AKT3: variants seen among roughly 807,000 people sequenced by gnomAD.
The protein encoded by AKT3 is RAC-gamma serine/threonine-protein kinase.
Under a neutral mutation model 65.3 loss-of-function variants are expected in AKT3, and 15 were observed. The observed-to-expected ratio is 0.23, with a 90% CI of 0.15 to 0.35. AKT3 has a LOEUF of 0.35. Among genes scored for constraint, AKT3 ranks in the 10% least tolerant of loss-of-function variants. The pLI is 1.00. For missense variants in AKT3, 243 were observed against 576.5 expected, an observed-to-expected ratio of 0.42 and a Z score of 5.92; for synonymous variants, 206 against 183.8, an observed-to-expected ratio of 1.12 and a Z score of -0.98.
At chr1:243,653,378 C>T (rs1681522281) in intron 4 of AKT3, among the ~76,000 whole-genome samples, 1 of 152,110 alleles carries the variant, frequency 6.6e-6, no homozygotes, top group South Asian at 2.1e-4. Context: ...ACAAAAAGTC[C>T]AGGACCAGAT....
At chr1:243,824,008 A>C (rs932842208) in intron 2 of AKT3, among the ~76,000 whole-genome samples, 3 of 152,224 alleles carry the variant, frequency 2.0e-5, no homozygotes, top group African/African-American at 7.2e-5. Flanking sequence ...ACTTCAAACT[A>C]TACTACATGG....
chr1:243,535,155 T>TATTTTAAAATTATATTTAAA (rs1671812640), intron 12 of AKT3, among the ~76,000 whole-genome samples: 1 of 131,400 alleles, frequency 7.6e-6, no homozygotes, highest in African/African-American at 3.4e-5. Flanking sequence ...TTTTAAAATA[T>TATTTTAAAATTATATTTAAA]ATTTTAAAAT....
chr1:243,725,053 A>G (rs1385523297), intron 2 of AKT3, among the ~76,000 whole-genome samples: 1 of 151,804 alleles, frequency 6.6e-6, no homozygotes, highest in Non-Finnish European at 1.5e-5. Flanking sequence ...AAAAAAAAAA[A>G]AATTAAATTA....
intron 8 of AKT3, among the ~76,000 whole-genome samples, chr1:243,576,893 G>A (rs1674980807): frequency 6.6e-6 from 1 of 151,858 alleles, no homozygotes; most frequent in Admixed American, 6.6e-5. Flanking sequence ...ATTCACATGG[G>A]ACCAAAAAAG....
intron 8 of AKT3, among the ~76,000 whole-genome samples, chr1:243,581,314 G>C (rs527434247): frequency 6.6e-6 from 1 of 152,336 alleles, no homozygotes; most frequent in Non-Finnish European, 1.5e-5. Context: ...GCCATAGCCT[G>C]TGGCAACAAA....
At chr1:243,806,219 G>C (rs1006707536) in intron 2 of AKT3, among the ~76,000 whole-genome samples, 2 of 152,062 alleles carry the variant, frequency 1.3e-5, no homozygotes, top group African/African-American at 4.8e-5. Flanking sequence ...CTTTACTATA[G>C]CACTTTTTAA....
chr1:243,648,287 GAAAAT>G (rs139884977), intron 4 of AKT3, among the ~76,000 whole-genome samples: 3 of 150,704 alleles, frequency 2.0e-5, no homozygotes, highest in East Asian at 1.9e-4. Context: ...AAAAGAAAAA[GAAAAT>G]AAAACTGTCA....
intron 4 of AKT3, among the ~76,000 whole-genome samples, chr1:243,663,484 G>C (rs2147915901): frequency 6.6e-6 from 1 of 152,034 alleles, no homozygotes; most frequent in East Asian, 1.9e-4. Context: ...GGGAGGGTGT[G>C]CAGGCAGGGT....
At chr1:243,643,698 C>A (rs1680606653) in intron 5 of AKT3, among the ~76,000 whole-genome samples, 4 of 152,302 alleles carry the variant, frequency 2.6e-5, no homozygotes. Flanking sequence ...CTATTTCATG[C>A]AAGAAATAGC....
At chr1:243,595,366 G>A (rs192878698) in intron 8 of AKT3, among the ~76,000 whole-genome samples, 3 of 152,280 alleles carry the variant, frequency 2.0e-5, no homozygotes, top group South Asian at 2.1e-4. Flanking sequence ...AGTGAGTGGC[G>A]AGTGAATATG....
rs1669568102 is a variant in AKT3, at chr1:243,504,902, TAA to T, written c.*345_*346del. ...ATTTAGCCTTCACTGAGGGAAAAAC[TAA>T]AAGATCAAAAGATGATAATTGGTGC... On this transcript the variant is annotated 3_prime_UTR_variant, in exon 14 of 14. Transcript: ENST00000673466. 1 of 269,250 alleles carries T rather than the reference TAA, an allele frequency of 3.7e-6. No individual in the cohort carries two copies. Among genetic ancestry groups the T allele is most frequent in the African/African-American group, 2.2e-5 (1 of 46,296 alleles). The allele number at this position is 269,250 out of a possible 1,614,324, so 16.7% of individuals were successfully genotyped here. A position where few individuals can be genotyped will look rare whatever the true frequency, so the allele number is the denominator to read the frequency against.
intron 10 of AKT3, among the ~76,000 whole-genome samples, chr1:243,554,951 G>C (rs984371357): frequency 1.3e-5 from 2 of 151,358 alleles, no homozygotes; most frequent in African/African-American, 4.9e-5. Flanking sequence ...TAAAAAAGGG[G>C]GGTTTTATTT....
At chr1:243,712,679 G>C (rs929392980) in intron 2 of AKT3, among the ~76,000 whole-genome samples, 11 of 151,840 alleles carry the variant, frequency 7.2e-5, no homozygotes, top group African/African-American at 2.7e-4. Flanking sequence ...AAAAATTTTT[G>C]GTGTTCTAGA....
At chr1:243,581,460 C>T (rs1273731142) in intron 8 of AKT3, among the ~76,000 whole-genome samples, 3 of 151,952 alleles carry the variant, frequency 2.0e-5, no homozygotes, top group African/African-American at 7.3e-5. Flanking sequence ...AAAAGCAGCA[C>T]AGAGGACTAA....
At chr1:243,553,057 G>A in intron 10 of AKT3, 114 bp from the exon 11 acceptor site, 1 of 782,190 alleles carries the variant, frequency 1.3e-6, no homozygotes, top group Non-Finnish European at 1.9e-6. Context: ...AGCCTAGGTA[G>A]TCTGAGATCT....
At chr1:243,686,661 T>A (rs1470314627) in intron 3 of AKT3, among the ~76,000 whole-genome samples, 105 of 33,650 alleles carry the variant, frequency 3.1e-3, no homozygotes, top group Non-Finnish European at 3.8e-3. Context: ...ATTTTTTTTT[T>A]TTTTTTTTTT....
chr1:243,822,519 T>C (rs1693918956), intron 2 of AKT3, among the ~76,000 whole-genome samples: 1 of 141,840 alleles, frequency 7.1e-6, no homozygotes, highest in Non-Finnish European at 1.5e-5. Flanking sequence ...ATTAATAAAA[T>C]AGCTAGAACG....
intron 12 of AKT3, among the ~76,000 whole-genome samples, chr1:243,513,777 C>T (rs755744909): frequency 2.0e-4 from 30 of 152,202 alleles, no homozygotes; most frequent in Admixed American, 3.9e-4. Context: ...GTAATGGCGA[C>T]TAATCCCTAA....
rs766602735 is a variant in AKT3 at position 243,572,907 on chromosome 1, AC to A, written c.819+18del. The A allele has an allele frequency of 2.6e-6, 4 of 1,536,624 alleles. No homozygotes were observed. The highest frequency in any genetic ancestry group is 1.9e-5 in the Admixed American group (1 of 53,360). On this transcript the variant is annotated intron_variant, in intron 9 of 13. Transcript: ENST00000673466. ...GTCTCTGCAAAAACAAATTTTGATT[AC>A]TTTTTTTTTTTTTTTACCTTGAGAT...
Sources: allele counts gnomAD v4.1 joint callset (sites outside exome capture counted in the v4.1 genomes callset), GRCh38; gene constraint gnomAD v4.1.1; transcripts MANE v1.5; gene names NCBI Gene and HGNC (gene_info 2026-07-23, HGNC 2026-07-21).